Variants in POLR3E observed in about 807,000 individuals in gnomAD.
The protein encoded by POLR3E is RNA polymerase III subunit E, also known as DNA-directed RNA polymerase III subunit RPC5.
Under a neutral mutation model 96.6 loss-of-function variants are expected in POLR3E, and 41 were observed. The ratio of observed to expected loss-of-function variants is 0.42; its 90% CI spans 0.33 to 0.55. The LOEUF (loss-of-function observed/expected upper bound fraction) is 0.55, where lower values mean the gene tolerates loss of function less well. Ranked by LOEUF, POLR3E falls within the 20% of genes least tolerant of loss-of-function variation. The pLI is 0.06. For missense variants in POLR3E, 849 were observed against 952.1 expected (o/e 0.89, Z 1.43); for synonymous variants, 396 against 383.6 (o/e 1.03, Z -0.38).
intron 2 of POLR3E, 50 bp from the exon 3 acceptor site, chr16:22,305,106 G>A (rs376434999): frequency 1.8e-5 from 27 of 1,479,382 alleles, no homozygotes; most frequent in Non-Finnish European, 2.4e-5. Flanking sequence ...GCCCGGGGAG[G>A]TCAGCACTGT....
intron 9 of POLR3E, among the ~76,000 whole-genome samples, chr16:22,315,953 C>G (rs1383856689): frequency 2.0e-5 from 3 of 152,146 alleles, no homozygotes; most frequent in African/African-American, 7.2e-5. Flanking sequence ...CAGGCGTGAG[C>G]CACGACCACC....
At position 22,332,188 on chromosome 16, in the gene POLR3E, A is replaced by G. The variant is rs1191936644; in HGVS notation, c.2070+3A>G. The G allele has an allele frequency of 1.2e-6, 2 of 1,611,940 alleles. No homozygotes were observed. Among genetic ancestry groups the G allele is most frequent in the Non-Finnish European group, 1.7e-6 (2 of 1,178,852 alleles). The stretch of plus-strand genomic sequence containing the variant: ...AGGAGGTGGATAAAGTACTAAAGGT[A>G]CATCCATTTTGTGCATAACAAACAA... On this transcript the variant is annotated splice_donor_region_variant and intron_variant, in intron 20 of 20. Coordinates refer to ENST00000299853, the MANE Select transcript of POLR3E (RefSeq NM_018119.4).
At chr16:22,316,160 G>A (rs1006415595) in intron 9 of POLR3E, among the ~76,000 whole-genome samples, 3 of 152,150 alleles carry the variant, frequency 2.0e-5, no homozygotes, top group African/African-American at 7.2e-5. Context: ...AGACACTGCT[G>A]TTTCCTGCTG....
intron 17 of POLR3E, among the ~76,000 whole-genome samples, chr16:22,325,535 G>A (rs555976677): frequency 8.5e-5 from 13 of 152,254 alleles, no homozygotes; most frequent in Non-Finnish European, 2.9e-5. Context: ...GTCAACAAGC[G>A]GGCCCGGAAG....
At position 22,325,748 on chromosome 16, in the gene POLR3E, T is replaced by C. The variant is rs1598271815; in HGVS notation, c.1349-13T>C. ...CTGTGCCCTCCTGAGCAGTGCTGCC[T>C]CCCTCCCCGCAGGGCCTGCCGGGCT... is the stretch of plus-strand genomic sequence containing the variant. On this transcript the variant is annotated splice_polypyrimidine_tract_variant and intron_variant, in intron 17 of 20. Coordinates refer to ENST00000299853, the MANE Select transcript of POLR3E (RefSeq NM_018119.4). The C allele has an allele frequency of 6.5e-7, 1 of 1,543,948 alleles. No homozygotes were observed.
At position 22,324,473 on chromosome 16, in the gene POLR3E, G is replaced by C. The variant is rs1395499178; in HGVS notation, c.1129-30G>C. 1.9e-6 allele frequency: 3 copies of C among 1,610,870 alleles called. No individual in the cohort carries two copies. In the African/African-American group the frequency reaches 4.0e-5, roughly 22 times the overall value. On this transcript the variant is annotated intron_variant, in intron 15 of 20. Transcript: ENST00000299853. ...GCTGCTGGAGGGGAGGGGGCTGGCT[G>C]TGCCTCACGCTGGGCCCCCTCCCCT... is the stretch of plus-strand genomic sequence containing the variant.
intron 10 of POLR3E, 91 bp from the exon 11 acceptor site, chr16:22,316,904 C>T (rs1441766847): frequency 5.7e-6 from 8 of 1,413,770 alleles, no homozygotes; most frequent in Non-Finnish European, 8.0e-6. Context: ...GGGCTGTCTG[C>T]ACCCTCTCCC....
intron 6 of POLR3E, 94 bp downstream of exon 6, chr16:22,309,604 T>C: frequency 1.1e-6 from 1 of 902,978 alleles, no homozygotes; most frequent in South Asian, 1.3e-5. Context: ...ATCTCCCACC[T>C]GCCCTGAAAG....
intron 6 of POLR3E, among the ~76,000 whole-genome samples, chr16:22,312,873 CAAAAAAAAAAAAAA>C (rs1167609047): frequency 6.6e-5 from 2 of 30,406 alleles, no homozygotes; most frequent in Admixed American, 3.2e-4. Flanking sequence ...CACTCCATCT[CAAAAAAAAAAAAAA>C]AAAAAAAAAA....
chr16:22,324,943 G>A (rs2048547898), intron 16 of POLR3E, among the ~76,000 whole-genome samples: 1 of 152,110 alleles, frequency 6.6e-6, no homozygotes, highest in Non-Finnish European at 1.5e-5. Flanking sequence ...TCAGGGAAGA[G>A]GGATGTGATG....
Position 22,313,933 on chromosome 16 carries a change from C to A in POLR3E, c.473-146C>A. On this transcript the variant is annotated intron_variant, in intron 7 of 20. Transcript: ENST00000299853. The surrounding 1 kb of genome is among the most constrained non-coding windows in gnomAD (Gnocchi z 4.1). ...CCCAGGGTAAAGGGGCAAAACTGTC[C>A]CCGATTGAGAACCACTGGCTTAGGC... The A allele has an allele frequency of 1.3e-6, 1 of 759,968 alleles. No homozygotes were observed. The highest frequency in any genetic ancestry group is 2.3e-6 in the Non-Finnish European group (1 of 437,708). The allele number at this position is 759,968 out of a possible 1,614,324, so 47.1% of individuals were successfully genotyped here.
chr16:22,325,579 C>T (rs539297587), intron 17 of POLR3E, among the ~76,000 whole-genome samples, 182 bp from the exon 18 acceptor site: 2 of 152,184 alleles, frequency 1.3e-5, no homozygotes, highest in Non-Finnish European at 2.9e-5. Flanking sequence ...CAGCACCCTT[C>T]CCCGCATGAC....
chr16:22,303,517 T>G (rs906995274), intron 2 of POLR3E, among the ~76,000 whole-genome samples: 78 of 152,048 alleles, frequency 5.1e-4, no homozygotes, highest in African/African-American at 1.9e-3. Flanking sequence ...GACCACTGTG[T>G]GCTGGGGGCT....
Position 22,335,080 on chromosome 16 carries a change from A to T in POLR3E, c.*1380A>T, listed in dbSNP as rs1318490625. 7 of 152,246 alleles carry T rather than the reference A, an allele frequency of 4.6e-5. No homozygotes were observed. Among genetic ancestry groups the T allele is most frequent in the Non-Finnish European group, 8.8e-5 (6 of 68,040 alleles). The allele number at this position is 152,246 out of a possible 1,614,324, so 9.4% of individuals were successfully genotyped here. A position where few individuals can be genotyped will look rare whatever the true frequency, so the allele number is the denominator to read the frequency against. ...GTTAACATATGTGAACCTGAAAAGT[A>T]AAGTTACCAAAAGCGATTTGGAATA... On this transcript the variant is annotated 3_prime_UTR_variant, in exon 21 of 21. Transcript: ENST00000299853.
In POLR3E at chr16:22,325,893, G is replaced by C. The variant is rs911079460; in HGVS notation, c.1481G>C (p.Gly494Ala). The C allele has an allele frequency of 6.2e-7, 1 of 1,608,692 alleles. No homozygotes were observed. Among genetic ancestry groups the C allele is most frequent in the Non-Finnish European group, 8.5e-7 (1 of 1,177,646 alleles). ...CTGCGGGTGCCTGCGGTCCCGCCCGGTGTGCGGATCAAGGAGGAGCCCGTG... is the reference window on the plus strand; with the variant it reads ...CTGCGGGTGCCTGCGGTCCCGCCCGCTGTGCGGATCAAGGAGGAGCCCGTG... Reference protein sequence around the residue: ...EQLRVPAVPPGVRIKEEPVSE... With the variant: ...EQLRVPAVPPAVRIKEEPVSE... The change falls in exon 18 of 21, where the codon GGT (glycine) becomes GCT (alanine). Residue 494 changes from glycine (G) to alanine (A), a missense_variant. Physicochemically the swap from Gly to Ala is moderately conservative, Grantham distance 60 (BLOSUM62 0). Transcript: ENST00000299853.
rs201647016 is a variant in POLR3E at position 22,328,492 on chromosome 16, C to A, written c.1867-18C>A. The A allele has an allele frequency of 8.7e-6, 14 of 1,610,528 alleles. No individual in the cohort carries two copies. The East Asian group carries it at 2.9e-4, about 33-fold the overall frequency. On this transcript the variant is annotated intron_variant, in intron 18 of 20. Coordinates refer to ENST00000299853, the MANE Select transcript of POLR3E (RefSeq NM_018119.4). ...GGGGTAGAGATGGACAAGCAACTCACCCCTGGGCCTTGGTCAGTTTCCCCC... is the reference window on the plus strand; with the variant it reads ...GGGGTAGAGATGGACAAGCAACTCAACCCTGGGCCTTGGTCAGTTTCCCCC...
At chr16:22,314,387 T>C (rs1372291688) in intron 8 of POLR3E, among the ~76,000 whole-genome samples, 1 of 152,138 alleles carries the variant, frequency 6.6e-6, no homozygotes, top group Non-Finnish European at 1.5e-5. Flanking sequence ...CCAGGAGCCC[T>C]GAGGACCCGC....
Position 22,325,229 on chromosome 16 carries a change from A to T in POLR3E, c.1311A>T (p.Val437=). 1 of 1,613,756 alleles carries T rather than the reference A, an allele frequency of 6.2e-7. No individual in the cohort carries two copies. The highest frequency in any genetic ancestry group is 8.5e-7 in the Non-Finnish European group (1 of 1,179,696). ...QAKLEKVYNL[V]KETMPKKPDA... ...GACTGGAAAAAGTCTATAATCTTGT[A>T]AAGGAAACCATGCCAAAGAAGCCGG... The change falls in exon 17 of 21, where the codon GTA becomes GTT. Residue 437 remains valine, a synonymous_variant. Transcript: ENST00000299853.
chr16:22,303,843 ACT>A (rs1409104541), intron 2 of POLR3E, among the ~76,000 whole-genome samples: 3 of 110,774 alleles, frequency 2.7e-5, no homozygotes, highest in Non-Finnish European at 5.2e-5. Context: ...GCGGAGTCTC[ACT>A]CTGTCTCCCA....
Sources: gnomAD v4.1 joint callset for allele counts (sites outside exome capture counted in the v4.1 genomes callset) on GRCh38, gnomAD v4.1.1 for gene constraint, Gnocchi (gnomAD v3.1) non-coding constraint, MANE v1.5 for transcripts, NCBI Gene and HGNC (gene_info 2026-07-23, HGNC 2026-07-21) for gene names.